CACNA2D4: variants seen among roughly 807,000 people sequenced by gnomAD.
CACNA2D4 encodes calcium voltage-gated channel auxiliary subunit alpha2delta 4, also known as voltage-dependent calcium channel subunit alpha-2/delta-4.
In CACNA2D4, 157 loss-of-function variants were observed where a neutral mutation model predicts 163.8. That is an observed-to-expected ratio of 0.96 (90% CI 0.84 to 1.09). The LOEUF is 1.09. CACNA2D4 is among the 50% of genes least tolerant of loss of function. The probability of loss-of-function intolerance (pLI) is 0.00; values close to 1 mark genes in which losing one functional copy is unlikely to be tolerated. For synonymous variants in CACNA2D4, 598 were observed against 586.9 expected (o/e 1.02, Z -0.27); for missense variants, 1,410 against 1,479.9 (o/e 0.95, Z 0.78).
chr12:1,838,157 T>C (rs1864925361), intron 26 of CACNA2D4, among the ~76,000 whole-genome samples: 1 of 152,222 alleles, frequency 6.6e-6, no homozygotes, highest in Non-Finnish European at 1.5e-5. Context: ...CTGGAAATTT[T>C]GCAGTAGCTG....
rs1466047360 is a variant in CACNA2D4, at chr12:1,829,172, G to A, written c.2551+11567C>T. ...CACCTTGATCTCCAGGGAGGTGGGG[G>A]GCGCAGGGAGTCGCTCTTCCGCAGC... On this transcript the variant is annotated intron_variant, in intron 26 of 37. Coordinates refer to ENST00000382722, the MANE Select transcript of CACNA2D4 (RefSeq NM_172364.5). This position sits in a 1 kb window ranked among gnomAD's most constrained non-coding sequence, Gnocchi z 4.2. 6.6e-6 allele frequency among the ~76,000 whole-genome samples: 1 copy of A among 152,180 alleles called. No individual in the cohort carries two copies. Among genetic ancestry groups the A allele is most frequent in the East Asian group, 1.9e-4 (1 of 5,180 alleles).
chr12:1,821,279 G>A (rs1160957353), intron 26 of CACNA2D4, among the ~76,000 whole-genome samples: 1 of 152,218 alleles, frequency 6.6e-6, no homozygotes, highest in East Asian at 1.9e-4. Flanking sequence ...GGTGGAGGGT[G>A]GCAGGGAGGA....
rs1267649099 is a variant in CACNA2D4, at chr12:1,882,880, T to A, written c.1472A>T (p.Tyr491Phe). The A allele has an allele frequency of 6.2e-7, 1 of 1,613,842 alleles. No individual in the cohort carries two copies. Among genetic ancestry groups the A allele is most frequent in the African/African-American group, 1.3e-5 (1 of 75,032 alleles). ...TGCCAGGCTCACCTTGCTGTCCATGTAGGCCTCTGTCCAGATGATGTCGTG... is the reference window on the plus strand; with the variant it reads ...TGCCAGGCTCACCTTGCTGTCCATGAAGGCCTCTGTCCAGATGATGTCGTG... ...HDHDIIWTEAYMDSKLLSSQA... is the reference protein window; with the variant it reads ...HDHDIIWTEAFMDSKLLSSQA... The change falls in exon 13 of 38, where the codon TAC becomes TTC. Residue 491 changes from tyrosine to phenylalanine, a missense_variant. By Grantham distance (22) the Tyr-to-Phe change is conservative. Coordinates refer to ENST00000382722, the MANE Select transcript of CACNA2D4 (RefSeq NM_172364.5).
intron 34 of CACNA2D4, 100 bp from the exon 35 acceptor site, chr12:1,797,635 G>A: frequency 1.1e-6 from 1 of 888,126 alleles, no homozygotes. Flanking sequence ...CAGTGCATTT[G>A]CAGAGGGTCC....
intron 6 of CACNA2D4, among the ~76,000 whole-genome samples, chr12:1,904,508 C>A (rs1163254545): frequency 1.3e-5 from 2 of 151,558 alleles, no homozygotes; most frequent in Non-Finnish European, 2.9e-5. Flanking sequence ...ATACTATATA[C>A]CCACAAAAAT....
intron 18 of CACNA2D4, among the ~76,000 whole-genome samples, chr12:1,861,996 GC>G (rs1171808853): frequency 2.6e-5 from 4 of 152,170 alleles, no homozygotes; most frequent in African/African-American, 9.7e-5. Context: ...ACTGCGTCTG[GC>G]TTCTTTTGTT....
At position 1,918,246 on chromosome 12, in the gene CACNA2D4, C is replaced by G; in HGVS notation, c.227+1G>C. On this transcript the variant is annotated splice_donor_variant, in intron 1 of 37. Coordinates refer to ENST00000382722, the MANE Select transcript of CACNA2D4 (RefSeq NM_172364.5). LOFTEE classifies it high-confidence loss of function. ...GGGGTGGGGTTGAACGTGATGCTTA[C>G]GTTTCCAGAGGAATCTTGGCCTGTC... The G allele has an allele frequency of 6.3e-7, 1 of 1,599,862 alleles. No individual in the cohort carries two copies. The highest frequency in any genetic ancestry group is 8.5e-7 in the Non-Finnish European group (1 of 1,173,218).
rs1208409747 is a variant in CACNA2D4, at chr12:1,883,938, C to G, written c.1351+305G>C. 7.2e-6 allele frequency: 3 copies of G among 415,894 alleles called. No individual in the cohort carries two copies. The highest frequency in any genetic ancestry group is 3.7e-5 in the Admixed American group (1 of 27,292). The allele number at this position is 415,894 out of a possible 1,614,324, so 25.8% of individuals were successfully genotyped here. A position where few individuals can be genotyped will look rare whatever the true frequency, so the allele number is the denominator to read the frequency against. On this transcript the variant is annotated intron_variant, in intron 12 of 37. Transcript: ENST00000382722. This position sits in a 1 kb window ranked among gnomAD's most constrained non-coding sequence, Gnocchi z 4.5. ...GGTCTGGTCAGAGATAGATGAGGAC[C>G]ATTCACACACAAAACATTATTCCAG...
At chr12:1,910,741 A>G (rs1456969739) in intron 3 of CACNA2D4, among the ~76,000 whole-genome samples, 4 of 152,238 alleles carry the variant, frequency 2.6e-5, no homozygotes, top group African/African-American at 2.4e-5. Flanking sequence ...AAGTGAAATA[A>G]GTCAGGTACA....
intron 30 of CACNA2D4, among the ~76,000 whole-genome samples, chr12:1,801,332 A>C (rs142058764): frequency 7.4e-4 from 113 of 152,332 alleles, no homozygotes; most frequent in African/African-American, 2.7e-3. Flanking sequence ...TTGCCCTCGG[A>C]GTTGGACGGT....
chr12:1,848,609 A>G (rs1865205631), intron 23 of CACNA2D4, among the ~76,000 whole-genome samples: 1 of 152,170 alleles, frequency 6.6e-6, no homozygotes, highest in African/African-American at 2.4e-5. Context: ...TAGAAGAGGC[A>G]GGATAAATAA....
At chr12:1,918,210 A>C in intron 1 of CACNA2D4, 37 bp downstream of exon 1, 2 of 1,460,850 alleles carry the variant, frequency 1.4e-6, no homozygotes, top group Non-Finnish European at 1.9e-6. Flanking sequence ...GGAAAGGGTG[A>C]CCGGGTTTTT....
rs1864449175 is a variant in CACNA2D4 at position 1,828,293 on chromosome 12, G to C, written c.2551+12446C>G. 7.9e-7 allele frequency: 1 copy of C among 1,267,556 alleles called. No individual in the cohort carries two copies. The highest frequency in any genetic ancestry group is 1.1e-6 in the Non-Finnish European group (1 of 927,242). The allele number at this position is 1,267,556 out of a possible 1,614,324, so 78.5% of individuals were successfully genotyped here. On this transcript the variant is annotated intron_variant, in intron 26 of 37. Coordinates refer to ENST00000382722, the MANE Select transcript of CACNA2D4 (RefSeq NM_172364.5). This position sits in a 1 kb window ranked among gnomAD's most constrained non-coding sequence, Gnocchi z 4.2. The stretch of plus-strand genomic sequence containing the variant: ...GGTGACTGTAGGTAGCGCCATATGG[G>C]ACCTTAGCCACACTCAGGCTGCAGG...
chr12:1,861,428 CA>C (rs1174559338), intron 18 of CACNA2D4, among the ~76,000 whole-genome samples: 3 of 150,960 alleles, frequency 2.0e-5, no homozygotes, highest in African/African-American at 4.9e-5. Flanking sequence ...AACTGGAGAT[CA>C]TTTTTTTATT....
Position 1,874,455 on chromosome 12 carries a change from C to T in CACNA2D4, c.1878+149G>A, listed in dbSNP as rs1002236606. 5.7e-5 allele frequency: 35 copies of T among 615,408 alleles called. 1 individual carries two copies. Among genetic ancestry groups the T allele is most frequent in the South Asian group, 5.6e-4 (27 of 48,534 alleles). 38.1% of individuals were successfully genotyped at this position (615,408 alleles called of 1,614,324 possible). On this transcript the variant is annotated intron_variant, in intron 18 of 37. Transcript: ENST00000382722. This position sits in a 1 kb window ranked among gnomAD's most constrained non-coding sequence, Gnocchi z 4.4. ...GTTTCTCCAGGGCCAATGCACCCTG[C>T]GTATACTCCCTAATGGACCCTCTAG...
At chr12:1,895,554 A>G (rs1430753872) in intron 6 of CACNA2D4, among the ~76,000 whole-genome samples, 1 of 152,204 alleles carries the variant, frequency 6.6e-6, no homozygotes, top group African/African-American at 2.4e-5. Context: ...AGACCCAAAG[A>G]CCAATGAAAC....
chr12:1,878,806 C>T lies in CACNA2D4; in HGVS notation c.1644+150G>A, dbSNP rs896780744. On this transcript the variant is annotated intron_variant, in intron 15 of 37. Coordinates refer to ENST00000382722, the MANE Select transcript of CACNA2D4 (RefSeq NM_172364.5). This position sits in a 1 kb window ranked among gnomAD's most constrained non-coding sequence, Gnocchi z 4.6. ...ACCCAGGGGCACCAGTTGCTGCTCC[C>T]CTGCTCAGCACCTGCACTTCTTGGG... 1 of 668,224 alleles carries T rather than the reference C, an allele frequency of 1.5e-6. No individual in the cohort carries two copies. The highest frequency in any genetic ancestry group is 2.5e-6 in the Non-Finnish European group (1 of 392,460). The allele number at this position is 668,224 out of a possible 1,614,324, so 41.4% of individuals were successfully genotyped here. A position where few individuals can be genotyped will look rare whatever the true frequency, so the allele number is the denominator to read the frequency against.
chr12:1,828,945 G>A lies in CACNA2D4; in HGVS notation c.2551+11794C>T, dbSNP rs921538345. ...CTGGTCTGCCCAAGGCTACACGGTG[G>A]CAGGGAGGAAACGGTCCCGCGGGAC... On this transcript the variant is annotated intron_variant, in intron 26 of 37. Transcript: ENST00000382722. The surrounding 1 kb of genome is among the most constrained non-coding windows in gnomAD (Gnocchi z 4.2). 4.6e-5 allele frequency among the ~76,000 whole-genome samples: 7 copies of A among 152,230 alleles called. No individual in the cohort carries two copies. Among genetic ancestry groups the A allele is most frequent in the Non-Finnish European group, 8.8e-5 (6 of 68,050 alleles).
Position 1,798,174 on chromosome 12 carries a change from C to A in CACNA2D4, c.2996-639G>T, listed in dbSNP as rs944072073. ...CCTGGGACAAGGACAGTGGACTCAA[C>A]CAAAGGTGGAGGCGAGTGCCTCAGC... On this transcript the variant is annotated intron_variant, in intron 34 of 37. Transcript: ENST00000382722. This position sits in a 1 kb window ranked among gnomAD's most constrained non-coding sequence, Gnocchi z 4.3. 6.6e-6 allele frequency among the ~76,000 whole-genome samples: 1 copy of A among 152,194 alleles called. No homozygotes were observed. Among genetic ancestry groups the A allele is most frequent in the Admixed American group, 6.5e-5 (1 of 15,288 alleles).
Sources: allele counts gnomAD v4.1 joint callset (sites outside exome capture counted in the v4.1 genomes callset), GRCh38; gene constraint gnomAD v4.1.1; non-coding constraint Gnocchi (gnomAD v3.1); transcripts MANE v1.5; gene names NCBI Gene and HGNC (gene_info 2026-07-23, HGNC 2026-07-21).